IL1RAPL1: variants seen among roughly 807,000 people sequenced by gnomAD.
The protein encoded by IL1RAPL1 is interleukin-1 receptor accessory protein-like 1.
A neutral mutation model predicts 48.4 loss-of-function variants in IL1RAPL1; 3 were observed. The observed-to-expected ratio is 0.06, with a 90% CI of 0.03 to 0.16. The LOEUF (loss-of-function observed/expected upper bound fraction) is 0.16, where lower values mean the gene tolerates loss of function less well. Ranked by LOEUF, IL1RAPL1 falls within the 10% of genes least tolerant of loss-of-function variation. IL1RAPL1 has a pLI of 1.00. For missense variants in IL1RAPL1, 349 were observed against 530.6 expected, an observed-to-expected ratio of 0.66 and a Z score of 3.36; for synonymous variants, 185 against 187.7, an observed-to-expected ratio of 0.99 and a Z score of 0.12.
At chrX:28,847,404 G>T (rs1171497625) in intron 2 of IL1RAPL1, among the ~76,000 whole-genome samples, 1 of 110,967 alleles carries the variant, frequency 9.0e-6, no homozygotes, top group Non-Finnish European at 1.9e-5. Flanking sequence ...CAGCCAGCGT[G>T]ATTCCTTCAC....
rs1186602092 is a variant in IL1RAPL1, at chrX:29,918,505, CAAAAAAAA to C, written c.911+923_911+930del. 1.0e-4 allele frequency among the ~76,000 whole-genome samples: 4 copies of C among 38,114 alleles called. No individual in the cohort carries two copies. The Admixed American group carries it at 1.4e-3, about 13-fold the overall frequency. 33.1% of individuals were successfully genotyped at this position (38,114 alleles called of 115,157 possible). ...GGGCAACAAGAGCGAAACTCTGTCT[CAAAAAAAA>C]AAAAAAAAAAAAATTTTCACAGGAA... On this transcript the variant is annotated intron_variant, in intron 7 of 10. Coordinates refer to ENST00000378993, the MANE Select transcript of IL1RAPL1 (RefSeq NM_014271.4).
chrX:29,587,421 A>G (rs916714833), intron 5 of IL1RAPL1, among the ~76,000 whole-genome samples: 1 of 110,591 alleles, frequency 9.0e-6, no homozygotes, highest in African/African-American at 3.3e-5. Context: ...AAAGGGCACA[A>G]AATTTCAATT....
intron 2 of IL1RAPL1, among the ~76,000 whole-genome samples, chrX:28,897,898 C>T (rs144684941): frequency 0.042 from 4,674 of 110,556 alleles, 97 homozygotes; most frequent in East Asian, 0.069. Flanking sequence ...TGTTCTCTGG[C>T]GGGCAGGAGT....
intron 2 of IL1RAPL1, among the ~76,000 whole-genome samples, chrX:28,877,627 A>G (rs1044541964): frequency 8.9e-6 from 1 of 112,351 alleles, no homozygotes; most frequent in African/African-American, 3.2e-5. Context: ...ACACTGTAAT[A>G]AAACAGGAAA....
rs190874267 is a variant in IL1RAPL1, at chrX:29,726,773, G to C, written c.778+58269G>C. ...GGATATCTTGAGTCCAGGAGTTTAGGAGTTCAAGACCACCTTGGGCAACAG... is the reference window on the plus strand; with the variant it reads ...GGATATCTTGAGTCCAGGAGTTTAGCAGTTCAAGACCACCTTGGGCAACAG... On this transcript the variant is annotated intron_variant, in intron 6 of 10. Transcript: ENST00000378993. Among the ~76,000 whole-genome samples, 4 of 112,006 alleles carry C rather than the reference G, an allele frequency of 3.6e-5. No homozygotes were observed. The Admixed American group carries it at 3.8e-4, about 11-fold the overall frequency.
chrX:29,375,756 A>G (rs763805245), intron 3 of IL1RAPL1, among the ~76,000 whole-genome samples: 1 of 112,430 alleles, frequency 8.9e-6, no homozygotes, highest in South Asian at 3.7e-4. Context: ...TAGTCTATTC[A>G]GAGTTTTAAT....
At chrX:28,938,385 TCAAA>T (rs1296475101) in intron 2 of IL1RAPL1, among the ~76,000 whole-genome samples, 2 of 110,823 alleles carry the variant, frequency 1.8e-5, no homozygotes, top group Non-Finnish European at 3.8e-5. Flanking sequence ...CATCTGATCT[TCAAA>T]CAAAGCTGAC....
intron 6 of IL1RAPL1, among the ~76,000 whole-genome samples, chrX:29,907,385 T>C (rs561008266): frequency 2.7e-5 from 3 of 111,653 alleles, no homozygotes; most frequent in African/African-American, 6.5e-5. Flanking sequence ...TTTTAAGAAA[T>C]TATTTTTCCT....
At chrX:29,472,462 T>C (rs1934931188) in intron 5 of IL1RAPL1, among the ~76,000 whole-genome samples, 1 of 112,222 alleles carries the variant, frequency 8.9e-6, no homozygotes, top group South Asian at 3.7e-4. Flanking sequence ...TACAAATTTA[T>C]GTTTATAAGT....
chrX:29,582,855 C>G (rs1923022620), intron 5 of IL1RAPL1, among the ~76,000 whole-genome samples: 1 of 67,947 alleles, frequency 1.5e-5, no homozygotes, highest in African/African-American at 5.8e-5. Context: ...AATAAACATA[C>G]ATGTGCATGT....
At chrX:29,480,104 G>GT (rs1381609241) in intron 5 of IL1RAPL1, among the ~76,000 whole-genome samples, 1 of 107,720 alleles carries the variant, frequency 9.3e-6, no homozygotes, top group Non-Finnish European at 1.9e-5. Context: ...GTCCTCGTAT[G>GT]TTCCCTCAAT....
At chrX:29,879,825 T>C (rs1471453228) in intron 6 of IL1RAPL1, among the ~76,000 whole-genome samples, 3 of 111,021 alleles carry the variant, frequency 2.7e-5, no homozygotes, top group African/African-American at 9.8e-5. Flanking sequence ...TATTTGTATA[T>C]GGTGAGTGTT....
intron 5 of IL1RAPL1, among the ~76,000 whole-genome samples, chrX:29,480,529 G>A (rs949945445): frequency 1.8e-5 from 2 of 109,718 alleles, no homozygotes; most frequent in Non-Finnish European, 3.8e-5. Context: ...CCTTGTGTTG[G>A]CACTTTTGCC....
chrX:29,774,874 A>G (rs1480684513), intron 6 of IL1RAPL1, among the ~76,000 whole-genome samples: 1 of 112,352 alleles, frequency 8.9e-6, no homozygotes, highest in Admixed American at 9.5e-5. Flanking sequence ...CTTGAAAATC[A>G]ACATTATAAT....
chrX:29,309,248 A>G (rs1320672433), intron 3 of IL1RAPL1, among the ~76,000 whole-genome samples: 1 of 111,837 alleles, frequency 8.9e-6, no homozygotes, highest in Non-Finnish European at 1.9e-5. Context: ...AATGAAAGGC[A>G]GGAGAGGTTT....
At chrX:28,891,860 C>T (rs1922778337) in intron 2 of IL1RAPL1, among the ~76,000 whole-genome samples, 1 of 111,489 alleles carries the variant, frequency 9.0e-6, no homozygotes, top group African/African-American at 3.3e-5. Flanking sequence ...GTGCCAGTTC[C>T]TCCACATCCT....
At chrX:29,607,836 A>G (rs1228150051) in intron 5 of IL1RAPL1, among the ~76,000 whole-genome samples, 1 of 111,226 alleles carries the variant, frequency 9.0e-6, no homozygotes, top group African/African-American at 3.3e-5. Context: ...TCTTGACTTC[A>G]ACCAGCATGT....
intron 2 of IL1RAPL1, among the ~76,000 whole-genome samples, chrX:29,222,683 T>G (rs1931005536): frequency 9.0e-6 from 1 of 111,153 alleles, no homozygotes; most frequent in Non-Finnish European, 1.9e-5. Context: ...TATATTGCAA[T>G]GATATCTGAA....
chrX:29,772,193 GTGAGC>G (rs1929085295), intron 6 of IL1RAPL1, among the ~76,000 whole-genome samples: 1 of 107,414 alleles, frequency 9.3e-6, no homozygotes, highest in African/African-American at 3.4e-5. Flanking sequence ...CGAGGCTGTA[GTGAGC>G]CCTGATTGCA....
Sources: gnomAD v4.1 joint callset for allele counts (sites outside exome capture counted in the v4.1 genomes callset) on GRCh38, gnomAD v4.1.1 for gene constraint, MANE v1.5 for transcripts, NCBI Gene and HGNC (gene_info 2026-07-23, HGNC 2026-07-21) for gene names.